The following LONRF1 variants were observed in gnomAD, a reference collection of about 807,000 sequenced individuals.
The protein encoded by LONRF1 is LON peptidase N-terminal domain and ring finger 1.
In LONRF1, 37 loss-of-function variants were observed where a neutral mutation model predicts 85.8. That is an observed-to-expected ratio of 0.43 (90% CI 0.33 to 0.57). The LOEUF (loss-of-function observed/expected upper bound fraction) is 0.57. Ranked by LOEUF, LONRF1 falls within the 20% of genes least tolerant of loss-of-function variation. LONRF1 has a pLI of 0.04. For missense variants in LONRF1, 1,036 were observed against 978.0 expected, an observed-to-expected ratio of 1.06 and a Z score of -0.79; for synonymous variants, 517 against 390.1, an observed-to-expected ratio of 1.33 and a Z score of -3.83.
chr8:12,748,042 T>G (rs949807952), intron 1 of LONRF1, among the ~76,000 whole-genome samples: 1 of 152,192 alleles, frequency 6.6e-6, no homozygotes, highest in East Asian at 1.9e-4. Context: ...TTGCAAAATA[T>G]CCTACTATAT....
In LONRF1 at chr8:12,722,783, C is replaced by G. The variant is rs3802267; in HGVS notation, c.*313G>C. ...CCCAACCCCCACAAGCACACACGCA[C>G]GCACACACACACACACACTCTCTCA... On this transcript the variant is annotated 3_prime_UTR_variant, in exon 12 of 12. Transcript: ENST00000398246. 1.6e-3 allele frequency: 288 copies of G among 181,554 alleles called. 7 individuals are homozygous for G. The East Asian group carries it at 0.034, about 21-fold the overall frequency. 11.2% of individuals were successfully genotyped at this position (181,554 alleles called of 1,614,324 possible). A position where few individuals can be genotyped will look rare whatever the true frequency, so the allele number is the denominator to read the frequency against.
intron 10 of LONRF1, 135 bp downstream of exon 10, chr8:12,728,766 G>T: frequency 1.1e-6 from 1 of 927,504 alleles, no homozygotes; most frequent in Non-Finnish European, 1.6e-6. Flanking sequence ...AGGTAACTTG[G>T]AGCACATTCT....
At position 12,731,789 on chromosome 8, in the gene LONRF1, A is replaced by C. The variant is rs1328175110; in HGVS notation, c.1635T>G (p.Asp545Glu). 1 of 1,612,992 alleles carries C rather than the reference A, an allele frequency of 6.2e-7. No homozygotes were observed. The highest frequency in any genetic ancestry group is 2.2e-5 in the East Asian group (1 of 44,860). ...ATATTTTTTTTCTCTCAGACAGTTC[A>C]TCAGGCAGATACTTCACTATTAATT... The part of the protein sequence containing the change: ...LEELIVKYLP[D>E]ELSERKKIYD... The change falls in exon 8 of 12, where the codon GAT (aspartate) becomes GAG (glutamate). Residue 545 changes from aspartate (D) to glutamate (E), a missense_variant. Around this residue, in one of 3 missense-constraint regions of LONRF1, gnomAD observed 265 missense variants for 301.5 expected, o/e 0.88. Transcript: ENST00000398246.
At chr8:12,749,168 C>A (rs965246119) in intron 1 of LONRF1, among the ~76,000 whole-genome samples, 1 of 152,114 alleles carries the variant, frequency 6.6e-6, no homozygotes, top group Non-Finnish European at 1.5e-5. Flanking sequence ...TATCTCAAAA[C>A]AAAGTGATGA....
Position 12,755,162 on chromosome 8 carries a change from C to A in LONRF1, c.259G>T (p.Gly87Cys). ...RGAPARPECL[G>C]ALVDCLVFNY... is the part of the protein sequence containing the mutation. ...AACACCAGGCAGTCCACCAGGGCGC[C>A]CAGGCACTCGGGCCTGGCCGGGGCC... Residue 87 changes from glycine to cysteine, a missense_variant, in exon 1 of 12, where the codon GGC (glycine) becomes TGC (cysteine). Physicochemically the swap from Gly to Cys is radical, Grantham distance 159. Coordinates refer to ENST00000398246, the MANE Select transcript of LONRF1 (RefSeq NM_152271.5). The A allele has an allele frequency of 7.1e-7, 1 of 1,417,080 alleles. No homozygotes were observed. The highest frequency in any genetic ancestry group is 9.2e-7 in the Non-Finnish European group (1 of 1,087,414). 87.8% of individuals were successfully genotyped at this position (1,417,080 alleles called of 1,614,324 possible).
At chr8:12,743,328 T>TG in intron 1 of LONRF1, 46 bp from the exon 2 acceptor site, 8 of 1,120,402 alleles carry the variant, frequency 7.1e-6, no homozygotes, top group South Asian at 1.4e-5. Flanking sequence ...TAAAAGATTA[T>TG]TACATAATCT....
chr8:12,737,080 A>T lies in LONRF1; in HGVS notation c.1174T>A (p.Ser392Thr). 6.2e-7 allele frequency: 1 copy of T among 1,613,690 alleles called. No homozygotes were observed. The highest frequency in any genetic ancestry group is 1.1e-5 in the South Asian group (1 of 91,080). ...PVKGSLNRAQSAQSINSTEMP... is the reference protein window; with the variant it reads ...PVKGSLNRAQTAQSINSTEMP... ...TCTGTTGAATTTATAGACTGTGCTG[A>T]CTGAGCACGGTTTAAGCTTCCTTTG... The change falls in exon 5 of 12, where the codon TCA becomes ACA. Residue 392 changes from serine to threonine, a missense_variant. Physicochemically the swap from Ser to Thr is moderately conservative, Grantham distance 58 (BLOSUM62 1). Coordinates refer to ENST00000398246, the MANE Select transcript of LONRF1 (RefSeq NM_152271.5).
At chr8:12,746,046 T>C (rs1399918920) in intron 1 of LONRF1, among the ~76,000 whole-genome samples, 2 of 152,216 alleles carry the variant, frequency 1.3e-5, no homozygotes, top group Admixed American at 1.3e-4. Context: ...TCTCTATTAT[T>C]GACACCACTA....
At chr8:12,725,440 T>A (rs181391061) in intron 11 of LONRF1, among the ~76,000 whole-genome samples, 1 of 152,298 alleles carries the variant, frequency 6.6e-6, no homozygotes, top group East Asian at 1.9e-4. Context: ...CGTTTTTAAT[T>A]CCTTACCCAC....
At chr8:12,730,597 G>A (rs1798491491) in intron 8 of LONRF1, among the ~76,000 whole-genome samples, 1 of 152,122 alleles carries the variant, frequency 6.6e-6, no homozygotes, top group African/African-American at 2.4e-5. Flanking sequence ...TCTTCCGTGG[G>A]CTGGCTGGTT....
At chr8:12,730,225 G>A (rs1798476102) in intron 8 of LONRF1, among the ~76,000 whole-genome samples, 1 of 152,200 alleles carries the variant, frequency 6.6e-6, no homozygotes, top group Non-Finnish European at 1.5e-5. Context: ...TGAATTAGAA[G>A]AAATGCTTAT....
At position 12,729,014 on chromosome 8, in the gene LONRF1, G is replaced by C; in HGVS notation, c.1897C>G (p.Pro633Ala). Reference sequence around the variant, plus strand: ...GTATCAACCACAGACCTTCCGTCCGGTAAGAAATGCACGTTTCTAATTTGT... The same window carrying C: ...GTATCAACCACAGACCTTCCGTCCGCTAAGAAATGCACGTTTCTAATTTGT... ...MLQIRNVHFL[P>A]DGRSVVDTVG... is the part of the protein sequence containing the mutation. The change falls in exon 10 of 12, where the codon CCG becomes GCG. Residue 633 changes from proline (P) to alanine (A), a missense_variant. By Grantham distance (27) the Pro-to-Ala change is conservative. Around this residue, in one of 3 missense-constraint regions of LONRF1, gnomAD observed 265 missense variants for 301.5 expected, o/e 0.88. Coordinates refer to ENST00000398246, the MANE Select transcript of LONRF1 (RefSeq NM_152271.5). 1 of 1,613,992 alleles carries C rather than the reference G, an allele frequency of 6.2e-7. No individual in the cohort carries two copies. The highest frequency in any genetic ancestry group is 8.5e-7 in the Non-Finnish European group (1 of 1,179,922).
chr8:12,754,540 C>T (rs999679783), intron 1 of LONRF1, among the ~76,000 whole-genome samples, 160 bp downstream of exon 1: 1 of 151,942 alleles, frequency 6.6e-6, no homozygotes, highest in Non-Finnish European at 1.5e-5. Context: ...GCGCCGCCCC[C>T]TCCCACACCC....
intron 8 of LONRF1, among the ~76,000 whole-genome samples, chr8:12,731,524 G>C (rs1216970705): frequency 6.6e-6 from 1 of 151,618 alleles, no homozygotes; most frequent in African/African-American, 2.4e-5. Flanking sequence ...TACTGCTTCA[G>C]CCCACAGAGC....
chr8:12,729,248 G>A lies in LONRF1; in HGVS notation c.1773C>T (p.Tyr591=), dbSNP rs2117238866. The A allele has an allele frequency of 1.3e-5, 21 of 1,613,988 alleles. No homozygotes were observed. Among genetic ancestry groups the A allele is most frequent in the Non-Finnish European group, 1.7e-5 (20 of 1,179,902 alleles). The change falls in exon 9 of 12, where the codon TAC becomes TAT. Residue 591 remains tyrosine (Y), a synonymous_variant. Transcript: ENST00000398246. ...PCPLHVFEPR[Y]RLMIRRSIQT... ...GTATACTTCTTCGAATCATCAATCT[G>A]TATCTTGGCTCAAATACATGGAGAG...
At chr8:12,751,306 T>TGTTTGTTTTTTG in intron 1 of LONRF1, among the ~76,000 whole-genome samples, 1 of 104,602 alleles carries the variant, frequency 9.6e-6, no homozygotes, top group African/African-American at 3.1e-5. Flanking sequence ...GTTTTTTTTT[T>TGTTTGTTTTTTG]TTTTTTTTTT....
At chr8:12,731,541 A>C (rs1798529566) in intron 8 of LONRF1, among the ~76,000 whole-genome samples, 195 bp downstream of exon 8, 1 of 152,074 alleles carries the variant, frequency 6.6e-6, no homozygotes, top group African/African-American at 2.4e-5. Flanking sequence ...GAGCTGAGTC[A>C]ATAACTCCCT....
chr8:12,728,436 A>G lies in LONRF1; in HGVS notation c.2010+465T>C, dbSNP rs114650519. Among the ~76,000 whole-genome samples the G allele has an allele frequency of 5.7e-3, 876 of 152,348 alleles. 7 individuals carry two copies. The highest frequency in any genetic ancestry group is 0.02 in the African/African-American group (840 of 41,586). ...CACAAGAACAATCTTAATATATAAA[A>G]CAATTCTTATAAGATTTGATGTGTT... On this transcript the variant is annotated intron_variant, in intron 10 of 11. Coordinates refer to ENST00000398246, the MANE Select transcript of LONRF1 (RefSeq NM_152271.5).
At position 12,733,922 on chromosome 8, in the gene LONRF1, G is replaced by T. The variant is rs17117906; in HGVS notation, c.1566+1364C>A. Among the ~76,000 whole-genome samples, 248 of 152,218 alleles carry T rather than the reference G, an allele frequency of 1.6e-3. 6 individuals carry two copies. The East Asian group carries it at 0.042, about 26-fold the overall frequency. On this transcript the variant is annotated intron_variant, in intron 7 of 11. Coordinates refer to ENST00000398246, the MANE Select transcript of LONRF1 (RefSeq NM_152271.5). ...GTTGGAAACAGGATATTGCTAAATA[G>T]TATGTTAGTTATACTTTCAAAAAAT...
Sources: allele counts gnomAD v4.1 joint callset (sites outside exome capture counted in the v4.1 genomes callset), GRCh38; gene constraint gnomAD v4.1.1; regional missense constraint gnomAD v4.1.1; transcripts MANE v1.5; gene names NCBI Gene and HGNC (gene_info 2026-07-23, HGNC 2026-07-21).